Variants in PHKB observed in about 807,000 individuals in gnomAD.
The protein encoded by PHKB is phosphorylase kinase regulatory subunit beta, also known as phosphorylase b kinase regulatory subunit beta.
In PHKB, 122 loss-of-function variants were observed where a neutral mutation model predicts 152.1. That is an observed-to-expected ratio of 0.80 (90% confidence interval 0.69 to 0.93). The LOEUF is 0.93. Ranked by LOEUF, PHKB falls within the 40% of genes least tolerant of loss-of-function variation. The pLI is 0.00. For synonymous variants in PHKB, 436 were observed against 464.9 expected, an observed-to-expected ratio of 0.94 and a Z score of 0.80; for missense variants, 1,304 against 1,328.4, an observed-to-expected ratio of 0.98 and a Z score of 0.29.
At chr16:47,648,729 T>C (rs1973180208) in intron 17 of PHKB, 113 bp downstream of exon 17, 10 of 749,700 alleles carry the variant, frequency 1.3e-5, no homozygotes, top group South Asian at 8.4e-5. Context: ...TCAGACTACT[T>C]ATCTGAAGTA....
chr16:47,677,349 A>G (rs1458165768), intron 26 of PHKB, among the ~76,000 whole-genome samples: 2 of 152,244 alleles, frequency 1.3e-5, no homozygotes, highest in Admixed American at 6.5e-5. Context: ...CCCTTCTTGC[A>G]GCTTTCCATC....
chr16:47,626,606 T>C (rs1009425526), intron 14 of PHKB, among the ~76,000 whole-genome samples: 112 of 152,308 alleles, frequency 7.4e-4, no homozygotes, highest in African/African-American at 2.6e-3. Context: ...TGCAGCAGTC[T>C]GACTTAGCGA....
intron 7 of PHKB, among the ~76,000 whole-genome samples, chr16:47,577,008 T>G (rs1052097750): frequency 7.2e-5 from 11 of 152,088 alleles, no homozygotes; most frequent in Non-Finnish European, 1.3e-4. Flanking sequence ...TTTTTTAATG[T>G]TATTTTTAAC....
intron 26 of PHKB, among the ~76,000 whole-genome samples, chr16:47,674,723 C>G (rs939421062): frequency 6.6e-6 from 1 of 152,152 alleles, no homozygotes; most frequent in Non-Finnish European, 1.5e-5. Context: ...TGTCATTGTT[C>G]GAAGTTAACA....
At chr16:47,674,799 C>A (rs1334012116) in intron 26 of PHKB, among the ~76,000 whole-genome samples, 1 of 152,114 alleles carries the variant, frequency 6.6e-6, no homozygotes, top group African/African-American at 2.4e-5. Flanking sequence ...CTGGAACCAG[C>A]AAAGATAGAG....
chr16:47,485,659 C>T lies in PHKB; in HGVS notation c.77-11740C>T, dbSNP rs953369850. Among the ~76,000 whole-genome samples the T allele has an allele frequency of 2.6e-5, 4 of 152,170 alleles. 1 individual carries two copies. The highest frequency in any genetic ancestry group is 4.8e-5 in the African/African-American group (2 of 41,444). ...ATCTAGAGATAAGGTCTCACTCTGTCGCCAGGCTGGAGTCCAGGTGCGTGA... is the reference window on the plus strand; with the variant it reads ...ATCTAGAGATAAGGTCTCACTCTGTTGCCAGGCTGGAGTCCAGGTGCGTGA... On this transcript the variant is annotated intron_variant, in intron 1 of 30. Transcript: ENST00000323584.
At chr16:47,614,722 T>C (rs921940254) in intron 14 of PHKB, among the ~76,000 whole-genome samples, 1 of 152,188 alleles carries the variant, frequency 6.6e-6, no homozygotes, top group Admixed American at 6.5e-5. Context: ...GAGCAGCACA[T>C]CAAATTGTGT....
Position 47,699,646 on chromosome 16 carries a change from G to T in PHKB, c.*280G>T, listed in dbSNP as rs542545786. The T allele has an allele frequency of 2.2e-5, 10 of 449,164 alleles. No homozygotes were observed. The highest frequency in any genetic ancestry group is 6.5e-4 in the Middle Eastern group (1 of 1,532). The allele number at this position is 449,164 out of a possible 1,614,324, so 27.8% of individuals were successfully genotyped here. A position where few individuals can be genotyped will look rare whatever the true frequency, so the allele number is the denominator to read the frequency against. On this transcript the variant is annotated 3_prime_UTR_variant, in exon 31 of 31. Coordinates refer to ENST00000323584, the MANE Select transcript of PHKB (RefSeq NM_000293.3). ...ATAGTTTATGAATTGAAAATTTGCCGCTGCATGTTGTATGATCAAATAGTT... is the reference window on the plus strand; with the variant it reads ...ATAGTTTATGAATTGAAAATTTGCCTCTGCATGTTGTATGATCAAATAGTT...
chr16:47,607,667 T>G (rs1280456452), intron 13 of PHKB, among the ~76,000 whole-genome samples: 4 of 152,230 alleles, frequency 2.6e-5, no homozygotes. Flanking sequence ...TTGTTTAACA[T>G]ATTTTTCATT....
chr16:47,652,146 T>C (rs1973249065), intron 20 of PHKB, among the ~76,000 whole-genome samples: 1 of 152,068 alleles, frequency 6.6e-6, no homozygotes, highest in Non-Finnish European at 1.5e-5. Flanking sequence ...TAGCTATTTA[T>C]TCATTTTTAA....
At chr16:47,594,356 A>T in intron 12 of PHKB, 142 bp downstream of exon 12, 1 of 641,792 alleles carries the variant, frequency 1.6e-6, no homozygotes, top group Non-Finnish European at 2.8e-6. Flanking sequence ...AATCAGAAAG[A>T]AGATTAAGCA....
At chr16:47,596,655 G>T in intron 13 of PHKB, 124 bp downstream of exon 13, 2 of 821,010 alleles carry the variant, frequency 2.4e-6, no homozygotes, top group South Asian at 1.6e-5. Flanking sequence ...AGGTCTTTAG[G>T]GAGTTTCCTA....
Position 47,648,436 on chromosome 16 carries a change from T to A in PHKB, c.1609-97T>A, listed in dbSNP as rs1435958667. The A allele has an allele frequency of 1.2e-5, 11 of 900,292 alleles. No homozygotes were observed. The Admixed American group carries it at 1.4e-4, about 11-fold the overall frequency. The allele number at this position is 900,292 out of a possible 1,614,324, so 55.8% of individuals were successfully genotyped here. A position where few individuals can be genotyped will look rare whatever the true frequency, so the allele number is the denominator to read the frequency against. On this transcript the variant is annotated intron_variant, in intron 16 of 30. Coordinates refer to ENST00000323584, the MANE Select transcript of PHKB (RefSeq NM_000293.3). ...GGATTAGGGTTCCCTAGCTTCTTTC[T>A]CTCTGGAAAGATCAAAAATTAACAG...
intron 7 of PHKB, among the ~76,000 whole-genome samples, chr16:47,570,533 C>T (rs1039760593): frequency 2.0e-5 from 3 of 152,080 alleles, no homozygotes; most frequent in Non-Finnish European, 4.4e-5. Context: ...GCCTTGCCTT[C>T]AGACTCTGAA....
chr16:47,546,508 A>C (rs1438747594), intron 6 of PHKB, among the ~76,000 whole-genome samples: 1 of 152,064 alleles, frequency 6.6e-6, no homozygotes, highest in Admixed American at 6.6e-5. Context: ...CAGCTGTATG[A>C]GGTGTTAGTC....
At chr16:47,539,260 G>C (rs538750427) in intron 6 of PHKB, among the ~76,000 whole-genome samples, 1 of 152,144 alleles carries the variant, frequency 6.6e-6, no homozygotes, top group East Asian at 1.9e-4. Context: ...TGTACCTGTA[G>C]CTATACAAAA....
chr16:47,577,052 A>G (rs368930217), intron 7 of PHKB, among the ~76,000 whole-genome samples: 1 of 151,528 alleles, frequency 6.6e-6, no homozygotes, highest in African/African-American at 2.4e-5. Flanking sequence ...AGCTGATGCC[A>G]TTTTATTGAT....
intron 18 of PHKB, 132 bp downstream of exon 18, chr16:47,649,336 C>T (rs1973193451): frequency 2.8e-6 from 2 of 708,522 alleles, no homozygotes; most frequent in South Asian, 2.9e-5. Flanking sequence ...ACAGTAAAAC[C>T]ACCTGCATAG....
chr16:47,629,941 G>A (rs1006994769), intron 14 of PHKB, among the ~76,000 whole-genome samples: 13 of 149,926 alleles, frequency 8.7e-5, no homozygotes, highest in Admixed American at 6.0e-4. Flanking sequence ...ACCAAACACC[G>A]CATATTCTCA....
Sources: allele counts gnomAD v4.1 joint callset (sites outside exome capture counted in the v4.1 genomes callset), GRCh38; gene constraint gnomAD v4.1.1; transcripts MANE v1.5; gene names NCBI Gene and HGNC (gene_info 2026-07-23, HGNC 2026-07-21).